Variants in ASNS observed in about 807,000 individuals in gnomAD.
ASNS encodes asparagine synthetase (glutamine-hydrolyzing).
A neutral mutation model predicts 62.6 loss-of-function variants in ASNS; 37 were observed. The observed-to-expected ratio is 0.59, with a 90% CI of 0.45 to 0.78. ASNS has a LOEUF of 0.78. ASNS is among the 30% of genes least tolerant of loss of function. The pLI is 0.00. For synonymous variants in ASNS, 207 were observed against 237.9 expected, an observed-to-expected ratio of 0.87 and a Z score of 1.19; for missense variants, 520 against 682.4, an observed-to-expected ratio of 0.76 and a Z score of 2.65.
At chr7:97,887,656 C>T in the ASNS span, among the ~76,000 whole-genome samples, 8 of 152,194 alleles carry the variant, frequency 5.3e-5, no homozygotes, top group Admixed American at 1.3e-4. Flanking sequence ...AGAGCAAAGT[C>T]GAGCTTCCCA....
At chr7:97,909,492 A>T in the ASNS span, among the ~76,000 whole-genome samples, 1 of 108,934 alleles carries the variant, frequency 9.2e-6, no homozygotes, top group Non-Finnish European at 1.9e-5. Context: ...TATTTTTAGT[A>T]GAGATGAGGT....
chr7:97,856,650 T>A, intron 8 of ASNS, 40 bp downstream of exon 8: 1 of 1,492,482 alleles, frequency 6.7e-7, no homozygotes, highest in East Asian at 2.3e-5. Flanking sequence ...TTTTCAGTAT[T>A]AAAAAAAGCT....
At chr7:97,881,488 C>T in the ASNS span, among the ~76,000 whole-genome samples, 24,022 of 151,854 alleles carry the variant, frequency 0.16, 2,141 homozygotes, top group Middle Eastern at 0.22. Flanking sequence ...ATAGATTTGC[C>T]TATTCTGGGC....
chr7:97,915,916 C>T, the ASNS span, among the ~76,000 whole-genome samples: 1 of 152,154 alleles, frequency 6.6e-6, no homozygotes. Context: ...CCTAAAAGCA[C>T]ACGATGAGGC....
At chr7:97,928,285 C>G in the ASNS span, 1 of 1,512,498 alleles carries the variant, frequency 6.6e-7, no homozygotes, top group Non-Finnish European at 8.8e-7. Flanking sequence ...TTGGAGCTGC[C>G]GGAAGGGCTG....
the ASNS span, among the ~76,000 whole-genome samples, chr7:97,889,059 G>C: frequency 6.6e-6 from 1 of 152,212 alleles, no homozygotes; most frequent in Non-Finnish European, 1.5e-5. Context: ...GCCACCTGGA[G>C]GCCCAGGGAT....
At chr7:97,876,544 CAGCCTCCTGAGT>C (rs1792442082), upstream of ASNS, among the ~76,000 whole-genome samples, 3 of 151,446 alleles carry the variant, frequency 2.0e-5, no homozygotes, top group Admixed American at 2.0e-4. Context: ...TCTCCTGCCT[CAGCCTCCTGAGT>C]AGCTGGGATT....
the ASNS span, among the ~76,000 whole-genome samples, chr7:97,900,359 T>TAAAA: frequency 3.4e-4 from 20 of 58,360 alleles, no homozygotes; most frequent in Non-Finnish European, 3.2e-4. Flanking sequence ...AGACTTTGTC[T>TAAAA]CAAAAAAAAA....
the ASNS span, among the ~76,000 whole-genome samples, chr7:97,884,745 G>A: frequency 6.4e-3 from 968 of 152,198 alleles, 4 homozygotes; most frequent in East Asian, 0.02. Context: ...TTCAGGTACC[G>A]TATGATTTGC....
the ASNS span, among the ~76,000 whole-genome samples, chr7:97,881,941 C>A: frequency 6.6e-6 from 1 of 151,972 alleles, no homozygotes; most frequent in Non-Finnish European, 1.5e-5. Flanking sequence ...ACCTCTGCCT[C>A]CCAGGTTCAA....
chr7:97,894,709 T>C, the ASNS span, among the ~76,000 whole-genome samples: 1 of 152,090 alleles, frequency 6.6e-6, no homozygotes, highest in African/African-American at 2.4e-5. Flanking sequence ...CCAAAATGAA[T>C]AGCAGGTTTG....
chr7:97,903,214 G>A, the ASNS span, among the ~76,000 whole-genome samples: 1 of 150,260 alleles, frequency 6.7e-6, no homozygotes, highest in East Asian at 2.0e-4. Flanking sequence ...TTAGAGGTAG[G>A]TAGAGTCCAA....
chr7:97,924,591 G>C, the ASNS span, among the ~76,000 whole-genome samples: 2 of 152,196 alleles, frequency 1.3e-5, no homozygotes, highest in Non-Finnish European at 2.9e-5. Context: ...GAGTGAACTG[G>C]GTGGGCCACC....
rs1234657092 is a variant in ASNS, at chr7:97,855,391, A to C, written c.1099T>G (p.Ser367Ala). Reference protein sequence around the residue: ...DSVVIFSGEGSDELTQGYIYF... With the variant: ...DSVVIFSGEGADELTQGYIYF... ...ATGTAACCCTGCGTAAGTTCATCTG[A>C]TCCTTCTCCAGAGAAGATCACCACG... is the stretch of plus-strand genomic sequence containing the variant. Residue 367 changes from serine (S) to alanine (A), a missense_variant, in exon 9 of 13, where the codon TCA becomes GCA. Coordinates refer to ENST00000394308, the MANE Select transcript of ASNS (RefSeq NM_001673.5). 6.2e-7 allele frequency: 1 copy of C among 1,612,842 alleles called. No homozygotes were observed. The highest frequency in any genetic ancestry group is 1.7e-5 in the Admixed American group (1 of 59,994).
intron 8 of ASNS, 22 bp from the exon 9 acceptor site, chr7:97,855,481 A>G: frequency 6.4e-7 from 1 of 1,562,962 alleles, no homozygotes; most frequent in Non-Finnish European, 8.8e-7. Flanking sequence ...GAGAGAAATT[A>G]ACTTTAATGT....
At chr7:97,892,595 C>T in the ASNS span, among the ~76,000 whole-genome samples, 4 of 152,126 alleles carry the variant, frequency 2.6e-5, no homozygotes, top group South Asian at 8.3e-4. Context: ...TTTCTTCTAT[C>T]AGATACCCTA....
upstream of ASNS, among the ~76,000 whole-genome samples, chr7:97,876,111 C>A (rs1345031322): frequency 1.3e-5 from 2 of 152,154 alleles, no homozygotes; most frequent in Admixed American, 1.3e-4. Flanking sequence ...CCTGCCTCGG[C>A]CTCCCAAAGT....
At position 97,854,577 on chromosome 7, in the gene ASNS, T is replaced by C. The variant is rs758378357; in HGVS notation, c.1238+3A>G. On this transcript the variant is annotated splice_donor_region_variant and intron_variant, in intron 10 of 12. Coordinates refer to ENST00000394308, the MANE Select transcript of ASNS (RefSeq NM_001673.5). ...GTTTTACAATAGCCTCTAAAAATAT[T>C]ACCCATGGGCAGCAGTAGTTCGATC... is the stretch of plus-strand genomic sequence containing the variant. The C allele has an allele frequency of 1.9e-6, 3 of 1,609,894 alleles. No individual in the cohort carries two copies. The highest frequency in any genetic ancestry group is 2.5e-6 in the Non-Finnish European group (3 of 1,179,100).
chr7:97,853,803 T>C (rs1378491474), intron 10 of ASNS, among the ~76,000 whole-genome samples: 1 of 152,178 alleles, frequency 6.6e-6, no homozygotes, highest in African/African-American at 2.4e-5. Context: ...TTGCCACTGA[T>C]TAAAAATTCA....
Sources: allele counts gnomAD v4.1 joint callset (sites outside exome capture counted in the v4.1 genomes callset), GRCh38; gene constraint gnomAD v4.1.1; transcripts MANE v1.5; gene names NCBI Gene and HGNC (gene_info 2026-07-23, HGNC 2026-07-21).